The following PTPRA variants were observed in gnomAD, a reference collection of about 807,000 sequenced individuals.
The protein encoded by PTPRA is protein tyrosine phosphatase receptor type A, also known as receptor-type tyrosine-protein phosphatase alpha.
In PTPRA, 25 loss-of-function variants were observed where a neutral mutation model predicts 104.8. The observed-to-expected ratio is 0.24, with a 90% CI of 0.17 to 0.33. The LOEUF is 0.33. Ranked by LOEUF, PTPRA falls within the 10% of genes least tolerant of loss-of-function variation. PTPRA has a pLI of 1.00. For synonymous variants in PTPRA, 323 were observed against 368.9 expected, an observed-to-expected ratio of 0.88 and a Z score of 1.43; for missense variants, 765 against 1,015.3, an observed-to-expected ratio of 0.75 and a Z score of 3.35.
intron 1 of PTPRA, among the ~76,000 whole-genome samples, chr20:2,882,296 C>CTTTT (rs563182313): frequency 7.2e-6 from 1 of 139,338 alleles, no homozygotes; most frequent in Non-Finnish European, 1.5e-5. Context: ...TTCTTTCTTT[C>CTTTT]TTTTTTTTTT....
the PTPRA span, chr20:2,865,157 G>T: frequency 6.2e-7 from 1 of 1,614,146 alleles, no homozygotes; most frequent in Non-Finnish European, 8.5e-7. This position sits in a 1 kb window ranked among gnomAD's most constrained non-coding sequence, Gnocchi z 5.2. Flanking sequence ...GGCTACAGAG[G>T]ATCAAATGCG....
intron 2 of PTPRA, among the ~76,000 whole-genome samples, chr20:2,923,939 A>C (rs925973809): frequency 6.6e-6 from 1 of 152,214 alleles, no homozygotes; most frequent in Admixed American, 6.5e-5. Context: ...CTCTTTGGCA[A>C]TATCTGCAAA....
intron 6 of PTPRA, among the ~76,000 whole-genome samples, 191 bp from the exon 7 acceptor site, chr20:2,986,574 C>T (rs2062920987): frequency 6.6e-6 from 1 of 152,128 alleles, no homozygotes; most frequent in South Asian, 2.1e-4. Context: ...ATGCTCTCTC[C>T]CCACCTCACC....
intron 20 of PTPRA, among the ~76,000 whole-genome samples, chr20:3,031,286 G>A (rs1042128545): frequency 8.6e-5 from 13 of 151,796 alleles, no homozygotes; most frequent in Middle Eastern, 3.4e-3. Flanking sequence ...AGAAAAGACA[G>A]AAAACCTTCC....
chr20:3,032,246 G>T (rs1413753549), intron 20 of PTPRA, among the ~76,000 whole-genome samples: 1 of 152,130 alleles, frequency 6.6e-6, no homozygotes, highest in Non-Finnish European at 1.5e-5. Flanking sequence ...CAATCCACCT[G>T]TCCACTGTGC....
chr20:2,962,869 C>T (rs557863546), intron 3 of PTPRA, among the ~76,000 whole-genome samples: 5 of 152,232 alleles, frequency 3.3e-5, no homozygotes, highest in Admixed American at 1.3e-4. Context: ...ATCTCCTTCT[C>T]TTCCCCCCCT....
At chr20:3,016,509 A>G (rs899436603) in intron 12 of PTPRA, among the ~76,000 whole-genome samples, 2 of 152,228 alleles carry the variant, frequency 1.3e-5, no homozygotes, top group African/African-American at 2.4e-5. Context: ...ACACTTTGGG[A>G]GGCCAAGACA....
intron 1 of PTPRA, among the ~76,000 whole-genome samples, chr20:2,894,972 G>A (rs1203859327): frequency 6.9e-6 from 1 of 145,512 alleles, no homozygotes; most frequent in Non-Finnish European, 1.5e-5. Flanking sequence ...GGGCGACAGA[G>A]CGAGACTCCT....
At chr20:2,963,693 G>A (rs539644641) in intron 3 of PTPRA, among the ~76,000 whole-genome samples, 20 of 152,218 alleles carry the variant, frequency 1.3e-4, no homozygotes, top group South Asian at 8.3e-4. Flanking sequence ...AACTTTTTGA[G>A]CGCAGACATG....
chr20:2,923,226 AC>A lies in PTPRA; in HGVS notation c.-108del, dbSNP rs750589004. The A allele has an allele frequency of 5.6e-6, 7 of 1,259,416 alleles. No homozygotes were observed. Among genetic ancestry groups the A allele is most frequent in the Non-Finnish European group, 7.2e-6 (7 of 972,322 alleles). 78.0% of individuals were successfully genotyped at this position (1,259,416 alleles called of 1,614,324 possible). ...TTGCAGGTGACACAACTAAAAAAAA[AC>A]AAAGGTATTTATGGAATTCCACTGA... On this transcript the variant is annotated 5_prime_UTR_variant, in exon 2 of 24. Coordinates refer to ENST00000399903, the MANE Select transcript of PTPRA (RefSeq NM_001385305.1).
intron 1 of PTPRA, among the ~76,000 whole-genome samples, chr20:2,902,787 G>A (rs931904755): frequency 4.6e-5 from 7 of 152,034 alleles, no homozygotes; most frequent in South Asian, 2.1e-4. Flanking sequence ...GTTTTTAAGC[G>A]TTCAAAATGT....
At chr20:3,024,441 A>G (rs763605824) in intron 16 of PTPRA, 31 bp from the exon 17 acceptor site, 1 of 1,603,200 alleles carries the variant, frequency 6.2e-7, no homozygotes, top group Non-Finnish European at 8.5e-7. Context: ...GTTGTATGTA[A>G]CCAAGAACTT....
At chr20:3,015,618 T>C (rs1416585194) in intron 11 of PTPRA, among the ~76,000 whole-genome samples, 2 of 152,190 alleles carry the variant, frequency 1.3e-5, no homozygotes, top group East Asian at 3.8e-4. Flanking sequence ...GATTTCTTAT[T>C]CTAGTATTTA....
chr20:2,935,668 C>T (rs1342343633), intron 2 of PTPRA, among the ~76,000 whole-genome samples: 1 of 152,080 alleles, frequency 6.6e-6, no homozygotes, highest in Non-Finnish European at 1.5e-5. Context: ...AAGTGATCTA[C>T]TTCAGCTTCG....
At chr20:2,953,417 C>T (rs941396757) in intron 3 of PTPRA, among the ~76,000 whole-genome samples, 1 of 151,704 alleles carries the variant, frequency 6.6e-6, no homozygotes, top group Non-Finnish European at 1.5e-5. Context: ...CCACGCCTGG[C>T]TAATTTTTTG....
intron 2 of PTPRA, among the ~76,000 whole-genome samples, chr20:2,932,160 C>T (rs1320499526): frequency 6.6e-6 from 1 of 152,008 alleles, no homozygotes; most frequent in Non-Finnish European, 1.5e-5. Flanking sequence ...AATAAGTTGA[C>T]CATAACATGT....
intron 6 of PTPRA, 33 bp from the exon 7 acceptor site, chr20:2,986,732 C>G (rs751435429): frequency 6.4e-7 from 1 of 1,564,558 alleles, no homozygotes; most frequent in South Asian, 1.1e-5. Flanking sequence ...TTGCACAACA[C>G]AGTAATGACT....
intron 11 of PTPRA, 111 bp from the exon 12 acceptor site, chr20:3,015,738 A>C (rs2064408770): frequency 7.2e-6 from 6 of 833,408 alleles, no homozygotes; most frequent in Non-Finnish European, 1.2e-5. Context: ...ATCCCCGTTA[A>C]GTACCTGCAC....
chr20:2,942,536 A>G (rs190795859), intron 2 of PTPRA, among the ~76,000 whole-genome samples: 2 of 152,010 alleles, frequency 1.3e-5, no homozygotes, highest in East Asian at 1.9e-4. Flanking sequence ...TAGTTTGTTT[A>G]ATATAGTTAA....
Sources: gnomAD v4.1 joint callset for allele counts (sites outside exome capture counted in the v4.1 genomes callset) on GRCh38, gnomAD v4.1.1 for gene constraint, Gnocchi (gnomAD v3.1) non-coding constraint, MANE v1.5 for transcripts, NCBI Gene and HGNC (gene_info 2026-07-23, HGNC 2026-07-21) for gene names.